STOML3: variants seen among roughly 807,000 people sequenced by gnomAD.
STOML3 encodes stomatin like 3, also known as stomatin-like protein 3.
A neutral mutation model predicts 29.5 loss-of-function variants in STOML3; 31 were observed. That is an observed-to-expected ratio of 1.05 (90% CI 0.79 to 1.42). The LOEUF (loss-of-function observed/expected upper bound fraction) is 1.42. Among genes scored for constraint, STOML3 ranks in the 40% most tolerant of loss-of-function variants. STOML3 has a pLI of 0.00. For missense variants in STOML3, 380 were observed against 363.0 expected (o/e 1.05, Z -0.38); for synonymous variants, 122 against 139.8 (o/e 0.87, Z 0.90).
chr13:38,979,658 T>A (rs2138018787), intron 1 of STOML3, among the ~76,000 whole-genome samples: 1 of 152,332 alleles, frequency 6.6e-6, no homozygotes, highest in Non-Finnish European at 1.5e-5. Flanking sequence ...ATCTTACACC[T>A]GTGTCTCAGT....
chr13:38,967,808 T>C (rs1187539262), intron 6 of STOML3, among the ~76,000 whole-genome samples: 1 of 152,226 alleles, frequency 6.6e-6, no homozygotes, highest in Non-Finnish European at 1.5e-5. Flanking sequence ...AGTAGATTTC[T>C]GATACTTCAG....
chr13:38,967,212 T>A (rs189898462), intron 6 of STOML3, among the ~76,000 whole-genome samples, 163 bp from the exon 7 acceptor site: 14 of 152,130 alleles, frequency 9.2e-5, no homozygotes, highest in African/African-American at 3.1e-4. Flanking sequence ...CTAACATAAT[T>A]AGAGAAATTC....
rs753468566 is a variant in STOML3, at chr13:38,968,513, C to T, written c.538G>A (p.Glu180Lys). The T allele has an allele frequency of 1.9e-5, 30 of 1,613,948 alleles. No homozygotes were observed. The Middle Eastern group carries it at 6.6e-4, about 35-fold the overall frequency. ...CGGGCCACCCGGATCCCCCACAGTT[C>T]GGTGGCATCATCAAGTAAAGTCTGT... ...SIQTLLDDAT[E>K]LWGIRVARVE... The change falls in exon 6 of 7, where the codon GAA (glutamate) becomes AAA (lysine). Residue 180 changes from glutamate to lysine, a missense_variant. Transcript: ENST00000379631.
rs980846358 is a variant in STOML3 at position 38,978,853 on chromosome 13, ATG to A, written c.53-2058_53-2057del. Among the ~76,000 whole-genome samples the A allele has an allele frequency of 8.5e-5, 13 of 152,304 alleles. 1 individual carries two copies. Among genetic ancestry groups the A allele is most frequent in the African/African-American group, 2.9e-4 (12 of 41,564 alleles). ...GCGATGTTTTGATGAATGTTTTTAA[ATG>A]TGTGTTTTTGTGCACTTGTGTAGGA... On this transcript the variant is annotated intron_variant, in intron 1 of 6. Transcript: ENST00000379631.
chr13:38,974,500 C>T (rs1881000112), intron 3 of STOML3, among the ~76,000 whole-genome samples: 1 of 152,054 alleles, frequency 6.6e-6, no homozygotes, highest in African/African-American at 2.4e-5. Flanking sequence ...CCTAACACTT[C>T]GGTTACCTAA....
intron 6 of STOML3, among the ~76,000 whole-genome samples, chr13:38,968,102 T>G (rs1256096948): frequency 6.6e-6 from 1 of 152,132 alleles, no homozygotes; most frequent in Non-Finnish European, 1.5e-5. Context: ...TTTTGTTTTG[T>G]TTTGTTAAAT....
chr13:38,977,911 C>T (rs1881144601), intron 1 of STOML3, among the ~76,000 whole-genome samples: 1 of 151,750 alleles, frequency 6.6e-6, no homozygotes, highest in South Asian at 2.1e-4. Flanking sequence ...AGGCTCCCGC[C>T]ACCACACCTG....
chr13:38,976,931 C>T (rs1014215091), intron 1 of STOML3, 134 bp from the exon 2 acceptor site: 6 of 692,258 alleles, frequency 8.7e-6, no homozygotes, highest in South Asian at 3.4e-5. Context: ...AATCCATTTA[C>T]ACCATGGATG....
At chr13:38,978,963 C>T (rs928851310) in intron 1 of STOML3, among the ~76,000 whole-genome samples, 1 of 152,178 alleles carries the variant, frequency 6.6e-6, no homozygotes, top group Non-Finnish European at 1.5e-5. Flanking sequence ...CCAACCTCCA[C>T]GCTCACCAAC....
intron 6 of STOML3, 137 bp from the exon 7 acceptor site, chr13:38,967,186 G>A: frequency 1.3e-6 from 1 of 753,156 alleles, no homozygotes; most frequent in South Asian, 1.9e-5. Flanking sequence ...TCTTTGGCGA[G>A]GATAAGTTTC....
intron 5 of STOML3, among the ~76,000 whole-genome samples, chr13:38,969,678 G>T (rs763403053): frequency 2.6e-5 from 4 of 152,110 alleles, no homozygotes; most frequent in Non-Finnish European, 5.9e-5. Context: ...GAGATCGATA[G>T]CTGTTACCTC....
chr13:38,976,331 C>G (rs1195801662), intron 3 of STOML3, among the ~76,000 whole-genome samples: 2 of 152,168 alleles, frequency 1.3e-5, no homozygotes, highest in Non-Finnish European at 2.9e-5. Flanking sequence ...GGAGGCCGGG[C>G]CAGATTTCCA....
At chr13:38,983,546 T>C (rs1881338855) in intron 1 of STOML3, among the ~76,000 whole-genome samples, 2 of 152,244 alleles carry the variant, frequency 1.3e-5, no homozygotes, top group Admixed American at 6.5e-5. Flanking sequence ...ATAAAAGCTC[T>C]AGACCCTTGA....
At chr13:38,983,623 GA>G (rs1470076586) in intron 1 of STOML3, among the ~76,000 whole-genome samples, 5 of 152,140 alleles carry the variant, frequency 3.3e-5, no homozygotes, top group Admixed American at 6.6e-5. Flanking sequence ...GGAACCTTGA[GA>G]AAAATATAGA....
rs766481657 is a variant in STOML3, at chr13:38,972,512, C to A, written c.312G>T (p.Glu104Asp). The A allele has an allele frequency of 7.4e-6, 12 of 1,613,586 alleles. No individual in the cohort carries two copies. Among genetic ancestry groups the A allele is most frequent in the Non-Finnish European group, 1.0e-5 (12 of 1,179,620 alleles). ...RTVTCNIPPQEILTRDSVTTQ... is the reference protein window; with the variant it reads ...RTVTCNIPPQDILTRDSVTTQ... ...GTGACATATCCTTAATCAGTACTAC[C>A]TCTTGTGGAGGAATGTTGCAAGTAA... The change falls in exon 4 of 7, where the codon GAG (glutamate) becomes GAT (aspartate). Residue 104 changes from glutamate to aspartate, a missense_variant and splice_region_variant. Coordinates refer to ENST00000379631, the MANE Select transcript of STOML3 (RefSeq NM_145286.3).
At position 38,987,757 on chromosome 13, in the gene STOML3, A is replaced by G. The variant is rs1053941038; in HGVS notation, c.52+2913T>C. On this transcript the variant is annotated intron_variant, in intron 1 of 6. Coordinates refer to ENST00000379631, the MANE Select transcript of STOML3 (RefSeq NM_145286.3). ...AATATATATAAAATATATAGTATGT[A>G]TATTATATAATATATACTATTGTGT... Among the ~76,000 whole-genome samples, 154 of 121,410 alleles carry G rather than the reference A, an allele frequency of 1.3e-3. 1 individual carries two copies. The highest frequency in any genetic ancestry group is 7.8e-3 in the Middle Eastern group (2 of 256). 79.6% of individuals were successfully genotyped at this position (121,410 alleles called of 152,430 possible). A position where few individuals can be genotyped will look rare whatever the true frequency, so the allele number is the denominator to read the frequency against.
intron 1 of STOML3, among the ~76,000 whole-genome samples, chr13:38,989,927 TCACA>T (rs148165094): frequency 1.3e-5 from 2 of 150,966 alleles, no homozygotes; most frequent in African/African-American, 2.4e-5. Flanking sequence ...CACACCATCA[TCACA>T]CACACACACA....
intron 3 of STOML3, among the ~76,000 whole-genome samples, chr13:38,974,476 C>G (rs1204660446): frequency 6.6e-6 from 1 of 152,000 alleles, no homozygotes; most frequent in Non-Finnish European, 1.5e-5. Flanking sequence ...AGCCTTGTGA[C>G]CAGGGAAAAC....
intron 4 of STOML3, among the ~76,000 whole-genome samples, chr13:38,971,420 G>A (rs1880863090): frequency 6.6e-6 from 1 of 152,148 alleles, no homozygotes. Flanking sequence ...TCCTGAACCA[G>A]ACAGAAGAAA....
Sources: gnomAD v4.1 joint callset for allele counts (sites outside exome capture counted in the v4.1 genomes callset) on GRCh38, gnomAD v4.1.1 for gene constraint, MANE v1.5 for transcripts, NCBI Gene and HGNC (gene_info 2026-07-23, HGNC 2026-07-21) for gene names.